The following E2F3 variants were observed in gnomAD, a reference collection of about 807,000 sequenced individuals.
E2F3 encodes E2F transcription factor 3.
E2F3 carries 11 observed loss-of-function variants against 44.4 expected under a neutral mutation model. The ratio of observed to expected loss-of-function variants is 0.25; its 90% CI spans 0.16 to 0.41. The LOEUF (loss-of-function observed/expected upper bound fraction) is 0.41. E2F3 is among the 10% of genes least tolerant of loss of function. The pLI is 1.00. For missense variants in E2F3, 487 were observed against 583.6 expected, an observed-to-expected ratio of 0.83 and a Z score of 1.70; for synonymous variants, 249 against 253.0, an observed-to-expected ratio of 0.98 and a Z score of 0.15.
At chr6:20,478,886 G>A (rs543634030) in intron 1 of E2F3, among the ~76,000 whole-genome samples, 1 of 152,266 alleles carries the variant, frequency 6.6e-6, no homozygotes, top group African/African-American at 2.4e-5. Flanking sequence ...TTTGTGCTGA[G>A]TGTCCAGTTG....
intron 1 of E2F3, among the ~76,000 whole-genome samples, chr6:20,418,791 G>T (rs1179598583): frequency 3.3e-5 from 5 of 151,896 alleles, no homozygotes; most frequent in African/African-American, 1.2e-4. Flanking sequence ...CACCCACCCA[G>T]GTGTCCAGTT....
At chr6:20,410,127 G>A (rs1376813669) in intron 1 of E2F3, among the ~76,000 whole-genome samples, 18 of 152,102 alleles carry the variant, frequency 1.2e-4, no homozygotes, top group Admixed American at 9.8e-4. Flanking sequence ...TGTATATTTC[G>A]TTCCACTCTG....
At chr6:20,423,379 T>C (rs919199925) in intron 1 of E2F3, among the ~76,000 whole-genome samples, 1 of 145,394 alleles carries the variant, frequency 6.9e-6, no homozygotes, top group Non-Finnish European at 1.6e-5. Flanking sequence ...ATAGTAAAAA[T>C]ACAGTCTTAT....
intron 1 of E2F3, among the ~76,000 whole-genome samples, chr6:20,446,892 G>A (rs1403070776): frequency 6.6e-6 from 1 of 152,100 alleles, no homozygotes; most frequent in Non-Finnish European, 1.5e-5. Context: ...GGGATGGATG[G>A]TTCAACATTT....
intron 1 of E2F3, among the ~76,000 whole-genome samples, chr6:20,422,671 A>G (rs2127590345): frequency 6.6e-6 from 1 of 152,286 alleles, no homozygotes; most frequent in South Asian, 2.1e-4. Flanking sequence ...TAATTTCAGT[A>G]TTCTTGTTTC....
chr6:20,483,255 A>G (rs1762289920), intron 4 of E2F3, among the ~76,000 whole-genome samples: 1 of 152,218 alleles, frequency 6.6e-6, no homozygotes, highest in African/African-American at 2.4e-5. Flanking sequence ...TAAAAGATAC[A>G]TAAGGTGTCG....
intron 5 of E2F3, among the ~76,000 whole-genome samples, chr6:20,487,410 G>A (rs4134969): frequency 0.017 from 2,526 of 152,230 alleles, 66 homozygotes; most frequent in African/African-American, 0.057. Context: ...TACCTTAAAA[G>A]ATAATAATAG....
chr6:20,489,613 T>C (rs968361428), intron 6 of E2F3, among the ~76,000 whole-genome samples: 1 of 152,246 alleles, frequency 6.6e-6, no homozygotes, highest in Non-Finnish European at 1.5e-5. Flanking sequence ...TATCCTCTCA[T>C]CATTGAAGTT....
At chr6:20,446,351 C>T (rs1014464028) in intron 1 of E2F3, among the ~76,000 whole-genome samples, 1 of 152,126 alleles carries the variant, frequency 6.6e-6, no homozygotes, top group African/African-American at 2.4e-5. Context: ...AGCATCAGTA[C>T]ATATTACCTA....
intron 6 of E2F3, among the ~76,000 whole-genome samples, chr6:20,489,628 G>T (rs1762499388): frequency 2.0e-5 from 3 of 152,260 alleles, no homozygotes; most frequent in South Asian, 4.1e-4. Flanking sequence ...GAAGTTATTT[G>T]CATTCTTGTT....
rs962314975 is a variant in E2F3 at position 20,491,707 on chromosome 6, G to T, written c.*1277G>T. 1.1e-5 allele frequency: 2 copies of T among 183,188 alleles called. No individual in the cohort carries two copies. The highest frequency in any genetic ancestry group is 4.7e-5 in the African/African-American group (2 of 42,498). The allele number at this position is 183,188 out of a possible 1,614,324, so 11.3% of individuals were successfully genotyped here. Reference sequence around the variant, plus strand: ...GTGTGAGTGGCATTTCCTTAAGCTGGCAGGAACAGGGAGCAGCCCTGTGTC... The same window carrying T: ...GTGTGAGTGGCATTTCCTTAAGCTGTCAGGAACAGGGAGCAGCCCTGTGTC... On this transcript the variant is annotated 3_prime_UTR_variant, in exon 7 of 7. Coordinates refer to ENST00000346618, the MANE Select transcript of E2F3 (RefSeq NM_001949.5).
At chr6:20,438,870 A>G (rs1427716607) in intron 1 of E2F3, among the ~76,000 whole-genome samples, 2 of 152,290 alleles carry the variant, frequency 1.3e-5, no homozygotes, top group East Asian at 3.9e-4. Flanking sequence ...TACTCATGCA[A>G]GCAAGTTGCT....
At chr6:20,486,898 C>T in intron 5 of E2F3, 95 bp downstream of exon 5, 1 of 742,842 alleles carries the variant, frequency 1.3e-6, no homozygotes, top group Non-Finnish European at 2.2e-6. Context: ...CTGTCCCCCT[C>T]CTATGAACTT....
intron 1 of E2F3, among the ~76,000 whole-genome samples, chr6:20,476,660 G>A (rs1212467222): frequency 1.3e-5 from 2 of 152,128 alleles, no homozygotes; most frequent in African/African-American, 4.8e-5. Flanking sequence ...TCCAGCCTTG[G>A]TCATAAGCCA....
Position 20,438,483 on chromosome 6 carries a change from C to T in E2F3, c.393+35858C>T, listed in dbSNP as rs969234499. ...TCTCCGGTGCAGTTTGTCAGTGTCT[C>T]GGCATATTTGAAATTTTTAGTACTG... On this transcript the variant is annotated intron_variant, in intron 1 of 6. Transcript: ENST00000346618. Among the ~76,000 whole-genome samples the T allele has an allele frequency of 1.9e-4, 29 of 152,064 alleles. 1 individual carries two copies. The highest frequency in any genetic ancestry group is 2.7e-4 in the African/African-American group (11 of 41,400).
chr6:20,488,762 G>A (rs749627098), intron 6 of E2F3, among the ~76,000 whole-genome samples: 2 of 152,128 alleles, frequency 1.3e-5, no homozygotes, highest in African/African-American at 4.8e-5. Flanking sequence ...TTGGGAGGCC[G>A]AGGCAGGCAG....
At chr6:20,483,916 G>T (rs767858587) in intron 4 of E2F3, among the ~76,000 whole-genome samples, 2 of 152,232 alleles carry the variant, frequency 1.3e-5, no homozygotes, top group Non-Finnish European at 1.5e-5. Context: ...AATGTTGGCA[G>T]TTTTTCAAAC....
chr6:20,402,652 C>T lies in E2F3; in HGVS notation c.393+27C>T, dbSNP rs1759346135. On this transcript the variant is annotated intron_variant, in intron 1 of 6. Transcript: ENST00000346618. The surrounding 1 kb of genome is among the most constrained non-coding windows in gnomAD (Gnocchi z 5.6). The stretch of plus-strand genomic sequence containing the variant: ...TAATACCCTCCCTCCCCACCGTCCC[C>T]AGCCCCGGCGGGAGGTGGGCTCGCA... The T allele has an allele frequency of 4.6e-6, 6 of 1,312,584 alleles. No individual in the cohort carries two copies. The highest frequency in any genetic ancestry group is 5.8e-6 in the Non-Finnish European group (6 of 1,036,846). The allele number at this position is 1,312,584 out of a possible 1,614,324, so 81.3% of individuals were successfully genotyped here.
intron 1 of E2F3, among the ~76,000 whole-genome samples, chr6:20,416,169 A>G (rs1376729736): frequency 6.6e-6 from 1 of 152,148 alleles, no homozygotes; most frequent in East Asian, 1.9e-4. Flanking sequence ...TTCCTCATGT[A>G]TATCATTATT....
Sources: gnomAD v4.1 joint callset for allele counts (sites outside exome capture counted in the v4.1 genomes callset) on GRCh38, gnomAD v4.1.1 for gene constraint, Gnocchi (gnomAD v3.1) non-coding constraint, MANE v1.5 for transcripts, NCBI Gene and HGNC (gene_info 2026-07-23, HGNC 2026-07-21) for gene names.